Variants in EYA4 observed in about 807,000 individuals in gnomAD.
EYA4 encodes EYA transcriptional coactivator and phosphatase 4.
In EYA4, 31 loss-of-function variants were observed where a neutral mutation model predicts 87.9. The observed-to-expected ratio is 0.35, with a 90% CI of 0.27 to 0.48. The LOEUF is 0.48. Ranked by LOEUF, EYA4 falls within the 20% of genes least tolerant of loss-of-function variation. The pLI is 0.99. For synonymous variants in EYA4, 263 were observed against 270.6 expected, an observed-to-expected ratio of 0.97 and a Z score of 0.28; for missense variants, 678 against 761.4, an observed-to-expected ratio of 0.89 and a Z score of 1.29.
intron 2 of EYA4, among the ~76,000 whole-genome samples, chr6:133,307,336 T>G (rs1779889033): frequency 6.6e-6 from 1 of 152,228 alleles, no homozygotes; most frequent in Non-Finnish European, 1.5e-5. Flanking sequence ...TCTGGAGAGA[T>G]AAAATTCAAG....
chr6:133,530,343 T>C lies in EYA4; in HGVS notation c.*1538T>C. On this transcript the variant is annotated 3_prime_UTR_variant, in exon 20 of 20. Transcript: ENST00000355286. ...TCATCGTTGTGTTTGCATGGTTTTT[T>C]TCCTTGTGTGTAGCCCATGTTGGGA... 1.0e-6 allele frequency: 1 copy of C among 985,462 alleles called. No homozygotes were observed. Among genetic ancestry groups the C allele is most frequent in the Non-Finnish European group, 1.2e-6 (1 of 829,932 alleles). The allele number at this position is 985,462 out of a possible 1,614,324, so 61.0% of individuals were successfully genotyped here.
At chr6:133,327,286 C>T (rs1027541469) in intron 2 of EYA4, among the ~76,000 whole-genome samples, 1 of 151,904 alleles carries the variant, frequency 6.6e-6, no homozygotes, top group Non-Finnish European at 1.5e-5. Context: ...TACAGGTGCC[C>T]GCCGCCACGC....
chr6:133,463,971 T>C (rs1273969696), intron 9 of EYA4, among the ~76,000 whole-genome samples: 1 of 152,142 alleles, frequency 6.6e-6, no homozygotes. Context: ...TATTTTTTTT[T>C]TTTTCACGAA....
In EYA4 at chr6:133,530,989, A is replaced by T. The variant is rs17053542; in HGVS notation, c.*2184A>T. The T allele has an allele frequency of 0.16, 201,767 of 1,282,968 alleles. 18,054 individuals carry two copies. Among genetic ancestry groups the T allele is most frequent in the African/African-American group, 0.36 (23,895 of 66,380 alleles). The allele number at this position is 1,282,968 out of a possible 1,614,324, so 79.5% of individuals were successfully genotyped here. On this transcript the variant is annotated 3_prime_UTR_variant, in exon 20 of 20. Coordinates refer to ENST00000355286, the MANE Select transcript of EYA4 (RefSeq NM_004100.5). ...TATTTATTACTGTGAATAAAAACAA[A>T]TTATCTTTACTGTATAGCTGGTTTC...
chr6:133,398,071 A>G (rs1787952953), intron 3 of EYA4, among the ~76,000 whole-genome samples: 1 of 152,216 alleles, frequency 6.6e-6, no homozygotes, highest in South Asian at 2.1e-4. Context: ...CTGAGTGGCC[A>G]TTAAATGTTT....
chr6:133,253,255 T>A (rs958665742), intron 1 of EYA4, among the ~76,000 whole-genome samples: 1 of 152,140 alleles, frequency 6.6e-6, no homozygotes, highest in Non-Finnish European at 1.5e-5. Flanking sequence ...AGGAGAGTTC[T>A]GCTTCATTCA....
chr6:133,273,098 T>TATATATATATATATATATATATAC (rs1554213959), intron 1 of EYA4, among the ~76,000 whole-genome samples: 1 of 83,098 alleles, frequency 1.2e-5, no homozygotes, highest in African/African-American at 7.6e-5. Context: ...TATATATATG[T>TATATATATATATATATATATATAC]ATATATATAT....
At chr6:133,523,422 G>A (rs1029828240) in intron 18 of EYA4, among the ~76,000 whole-genome samples, 23 of 152,012 alleles carry the variant, frequency 1.5e-4, no homozygotes, top group African/African-American at 5.6e-4. Flanking sequence ...TACAGCCCAT[G>A]TTATCTAAAT....
At chr6:133,267,747 T>C (rs1163536186) in intron 1 of EYA4, among the ~76,000 whole-genome samples, 5 of 152,194 alleles carry the variant, frequency 3.3e-5, no homozygotes, top group African/African-American at 1.2e-4. Context: ...CCATGATTTG[T>C]TTAATTAATC....
intron 17 of EYA4, 64 bp downstream of exon 17, chr6:133,515,499 T>C (rs1022125892): frequency 6.9e-6 from 7 of 1,015,880 alleles, no homozygotes; most frequent in Middle Eastern, 2.0e-4. Flanking sequence ...TTGTACAACA[T>C]AGAAAAAATG....
At chr6:133,394,622 G>A (rs1787632476) in intron 3 of EYA4, among the ~76,000 whole-genome samples, 1 of 151,926 alleles carries the variant, frequency 6.6e-6, no homozygotes, top group Admixed American at 6.6e-5. Flanking sequence ...TCTCTGAGAT[G>A]TTGTCTCAGA....
intron 1 of EYA4, among the ~76,000 whole-genome samples, chr6:133,266,895 A>G (rs1015387720): frequency 3.9e-5 from 6 of 152,198 alleles, no homozygotes; most frequent in Non-Finnish European, 7.3e-5. Context: ...TACATTATGT[A>G]TGATTTCATA....
chr6:133,481,484 G>T lies in EYA4; in HGVS notation c.992G>T (p.Ser331Ile). ...NQPGEFDTMQ[S>I]PSTPIKDLDE... Reference sequence around the variant, plus strand: ...ATAGGAGAGTTCGATACCATGCAGAGTCCCTCCACACCCATCAAAGATCTT... The same window carrying T: ...ATAGGAGAGTTCGATACCATGCAGATTCCCTCCACACCCATCAAAGATCTT... The change falls in exon 12 of 20, where the codon AGT becomes ATT. Residue 331 changes from serine to isoleucine, a missense_variant. Ser to Ile is a moderately radical substitution (Grantham distance 142). Coordinates refer to ENST00000355286, the MANE Select transcript of EYA4 (RefSeq NM_004100.5). The T allele has an allele frequency of 6.2e-7, 1 of 1,613,884 alleles. No homozygotes were observed.
At position 133,394,282 on chromosome 6, in the gene EYA4, G is replaced by GTATTTTTT. The variant is rs1562368948; in HGVS notation, c.83+11842_83+11843insATTTTTTT. Among the ~76,000 whole-genome samples, 42 of 107,814 alleles carry GTATTTTTT rather than the reference G, an allele frequency of 3.9e-4. 1 individual carries two copies. Among genetic ancestry groups the GTATTTTTT allele is most frequent in the East Asian group, 1.1e-3 (4 of 3,704 alleles). 70.7% of individuals were successfully genotyped at this position (107,814 alleles called of 152,430 possible). A position where few individuals can be genotyped will look rare whatever the true frequency, so the allele number is the denominator to read the frequency against. ...GTTGGAAAAATGTATATATAAGCTTGTGTTTTTTTTTTTTTTTTTTTTTTT... is the reference window on the plus strand; with the variant it reads ...GTTGGAAAAATGTATATATAAGCTTGTATTTTTTTGTTTTTTTTTTTTTTTTTTTTTTT... On this transcript the variant is annotated intron_variant, in intron 3 of 19. Transcript: ENST00000355286.
At chr6:133,449,911 C>T (rs1793253779) in intron 5 of EYA4, among the ~76,000 whole-genome samples, 1 of 151,762 alleles carries the variant, frequency 6.6e-6, no homozygotes, top group Non-Finnish European at 1.5e-5. Context: ...CTTTTGGTAA[C>T]AAAATGTTAG....
chr6:133,462,294 A>G, intron 7 of EYA4, 41 bp from the exon 8 acceptor site: 1 of 1,609,394 alleles, frequency 6.2e-7, no homozygotes, highest in Non-Finnish European at 8.5e-7. Context: ...ATTAATACAC[A>G]GTCTTTGTTG....
intron 2 of EYA4, among the ~76,000 whole-genome samples, chr6:133,299,949 A>G (rs1453785037): frequency 2.2e-5 from 3 of 137,470 alleles, no homozygotes; most frequent in African/African-American, 6.1e-5. Context: ...CTATCTATCT[A>G]TCTATCTATA....
chr6:133,332,118 C>T (rs1782011997), intron 2 of EYA4, among the ~76,000 whole-genome samples: 1 of 152,210 alleles, frequency 6.6e-6, no homozygotes, highest in African/African-American at 2.4e-5. Flanking sequence ...TTCCTGGAGA[C>T]TCTGGCCATG....
Position 133,280,411 on chromosome 6 carries a change from C to CT in EYA4, c.33+5607dup, listed in dbSNP as rs999656843. ...TTTAAAATAATAGTTTTTCTTTTTT[C>CT]TTTTTTTTTGTTTGAGATGGAGTCT... On this transcript the variant is annotated intron_variant, in intron 2 of 19. Transcript: ENST00000355286. Among the ~76,000 whole-genome samples the CT allele has an allele frequency of 3.4e-4, 52 of 151,318 alleles. 1 individual carries two copies. The highest frequency in any genetic ancestry group is 4.8e-4 in the African/African-American group (20 of 41,294).
Sources: allele counts gnomAD v4.1 joint callset (sites outside exome capture counted in the v4.1 genomes callset), GRCh38; gene constraint gnomAD v4.1.1; transcripts MANE v1.5; gene names NCBI Gene and HGNC (gene_info 2026-07-23, HGNC 2026-07-21).